Variants in ME3 observed in about 807,000 individuals in gnomAD.
ME3 encodes malic enzyme 3.
Under a neutral mutation model 68.9 loss-of-function variants are expected in ME3, and 48 were observed. That is an observed-to-expected ratio of 0.70 (90% CI 0.55 to 0.89). The LOEUF (loss-of-function observed/expected upper bound fraction) is 0.89, where lower values mean the gene tolerates loss of function less well. ME3 is among the 40% of genes least tolerant of loss of function. The pLI, the probability that ME3 is intolerant of heterozygous loss-of-function variation, is 0.00. For missense variants in ME3, 675 were observed against 797.4 expected (o/e 0.85, Z 1.85); for synonymous variants, 320 against 318.8 (o/e 1.00, Z -0.04).
chr11:86,448,337 G>T, intron 10 of ME3, 82 bp from the exon 11 acceptor site: 1 of 1,024,310 alleles, frequency 9.8e-7, no homozygotes, highest in Non-Finnish European at 1.5e-6. Context: ...AACTCTGAGA[G>T]CGTTTCCTGC....
intron 2 of ME3, among the ~76,000 whole-genome samples, chr11:86,658,409 C>T (rs1946059731): frequency 6.6e-6 from 1 of 151,976 alleles, no homozygotes; most frequent in African/African-American, 2.4e-5. Flanking sequence ...AGGTGTGAGC[C>T]ACTGCACTCA....
chr11:86,476,317 C>T (rs547236321), intron 7 of ME3, among the ~76,000 whole-genome samples: 1 of 152,300 alleles, frequency 6.6e-6, no homozygotes, highest in South Asian at 2.1e-4. Flanking sequence ...GCCTCTGTAA[C>T]AGAGACAACA....
chr11:86,590,599 T>C (rs1958999443), intron 2 of ME3, among the ~76,000 whole-genome samples: 1 of 151,948 alleles, frequency 6.6e-6, no homozygotes, highest in South Asian at 2.1e-4. Flanking sequence ...CAGAGGAGAT[T>C]TGGGTGCTGT....
rs1207808533 is a variant in ME3, at chr11:86,480,743, TC to T, written c.809+6593del. On this transcript the variant is annotated intron_variant, in intron 7 of 14. Transcript: ENST00000543262. ...TTCCCCGCATGAAAGCAGCTGAAGT[TC>T]CTCAGGGCAAAGGGGATTCCAGCAG... 6.6e-5 allele frequency among the ~76,000 whole-genome samples: 10 copies of T among 152,300 alleles called. No individual in the cohort carries two copies. The East Asian group carries it at 1.9e-3, about 29-fold the overall frequency.
chr11:86,640,842 T>A (rs1258778138), intron 2 of ME3, among the ~76,000 whole-genome samples: 1 of 152,140 alleles, frequency 6.6e-6, no homozygotes, highest in East Asian at 1.9e-4. Flanking sequence ...TGTTTCCCCA[T>A]TGATATACAC....
chr11:86,480,963 T>A (rs1213175623), intron 7 of ME3, among the ~76,000 whole-genome samples: 1 of 152,178 alleles, frequency 6.6e-6, no homozygotes, highest in Admixed American at 6.5e-5. Context: ...CACCTTGGGC[T>A]TCAGTCTGAC....
At chr11:86,531,742 C>T (rs1373068705) in intron 4 of ME3, among the ~76,000 whole-genome samples, 1 of 145,196 alleles carries the variant, frequency 6.9e-6, no homozygotes, top group Non-Finnish European at 1.5e-5. Flanking sequence ...AGCAAACTGT[C>T]ACATGTTCTC....
At chr11:86,652,614 C>A (rs1945530378) in intron 2 of ME3, among the ~76,000 whole-genome samples, 2 of 151,984 alleles carry the variant, frequency 1.3e-5, no homozygotes, top group African/African-American at 2.4e-5. Flanking sequence ...TGGAAAGGAA[C>A]AACCAGTACC....
chr11:86,651,134 G>T (rs1312264017), intron 2 of ME3, among the ~76,000 whole-genome samples: 1 of 152,234 alleles, frequency 6.6e-6, no homozygotes, highest in African/African-American at 2.4e-5. Flanking sequence ...AGCTCAAGGA[G>T]GCCTGCCTGC....
intron 2 of ME3, among the ~76,000 whole-genome samples, chr11:86,662,206 A>T (rs1565293916): frequency 6.6e-6 from 1 of 152,240 alleles, no homozygotes; most frequent in Non-Finnish European, 1.5e-5. Flanking sequence ...GTGTTAGTAC[A>T]GCGTAGGGGA....
chr11:86,636,239 A>G (rs1293021905), intron 2 of ME3, among the ~76,000 whole-genome samples: 1 of 148,204 alleles, frequency 6.7e-6, no homozygotes. Flanking sequence ...TGCCTATTAC[A>G]TTCTCTGAAC....
intron 11 of ME3, 118 bp downstream of exon 11, chr11:86,448,032 A>T: frequency 1.5e-6 from 1 of 675,722 alleles, no homozygotes; most frequent in Non-Finnish European, 2.6e-6. Flanking sequence ...TGCACATGGG[A>T]TAGGGGAAAG....
At chr11:86,592,362 T>C (rs1594577630) in intron 2 of ME3, among the ~76,000 whole-genome samples, 1 of 152,136 alleles carries the variant, frequency 6.6e-6, no homozygotes, top group Non-Finnish European at 1.5e-5. Flanking sequence ...GGGGGGGAAA[T>C]AGGCTATTTA....
intron 2 of ME3, among the ~76,000 whole-genome samples, chr11:86,661,121 CA>C (rs1322430816): frequency 3.9e-5 from 6 of 152,236 alleles, no homozygotes; most frequent in Non-Finnish European, 7.3e-5. Flanking sequence ...ATGCCCACGA[CA>C]GTCTCCTGGA....
At chr11:86,600,037 C>A (rs1960321310) in intron 2 of ME3, among the ~76,000 whole-genome samples, 1 of 147,968 alleles carries the variant, frequency 6.8e-6, no homozygotes, top group Non-Finnish European at 1.5e-5. Context: ...GAAACTGCAT[C>A]AACTAATGAG....
chr11:86,613,471 G>A (rs372614705), intron 2 of ME3, among the ~76,000 whole-genome samples: 2 of 152,128 alleles, frequency 1.3e-5, no homozygotes, highest in South Asian at 2.1e-4. Context: ...TCCGACCAGG[G>A]CATCAGGCAA....
rs1473744182 is a variant in ME3 at position 86,630,913 on chromosome 11, G to A, written c.183+40849C>T. ...GGAGCCCCTGAGGAAACCTGGAAAGGAGCAGGGTGAGGGAGGGCAGGTGGT... is the reference window on the plus strand; with the variant it reads ...GGAGCCCCTGAGGAAACCTGGAAAGAAGCAGGGTGAGGGAGGGCAGGTGGT... On this transcript the variant is annotated intron_variant, in intron 2 of 14. Transcript: ENST00000543262. Among the ~76,000 whole-genome samples, 5 of 152,244 alleles carry A rather than the reference G, an allele frequency of 3.3e-5. No homozygotes were observed. In the East Asian group the frequency reaches 9.6e-4, roughly 29 times the overall value.
chr11:86,603,582 A>T (rs1486876829), intron 2 of ME3, among the ~76,000 whole-genome samples: 1 of 152,208 alleles, frequency 6.6e-6, no homozygotes, highest in Non-Finnish European at 1.5e-5. Flanking sequence ...TGACCCAGCC[A>T]TCCCATTACT....
At chr11:86,597,179 G>A (rs1298266780) in intron 2 of ME3, among the ~76,000 whole-genome samples, 1 of 152,206 alleles carries the variant, frequency 6.6e-6, no homozygotes, top group African/African-American at 2.4e-5. Context: ...TAAGAACTAA[G>A]GTGCATTGCC....
Sources: gnomAD v4.1 joint callset for allele counts (sites outside exome capture counted in the v4.1 genomes callset) on GRCh38, gnomAD v4.1.1 for gene constraint, MANE v1.5 for transcripts, NCBI Gene and HGNC (gene_info 2026-07-23, HGNC 2026-07-21) for gene names.